ZFP62: variants seen among roughly 807,000 people sequenced by gnomAD.
ZFP62 encodes zinc finger protein 62 homolog.
Under a neutral mutation model 56.4 loss-of-function variants are expected in ZFP62, and 44 were observed. That is an observed-to-expected ratio of 0.78 (90% CI 0.61 to 1.00). The LOEUF (loss-of-function observed/expected upper bound fraction) is 1.00, where lower values mean the gene tolerates loss of function less well. Among genes scored for constraint, ZFP62 ranks in the 50% least tolerant of loss-of-function variants. ZFP62 has a pLI of 0.00. For missense variants in ZFP62, 1,030 were observed against 1,085.7 expected (o/e 0.95, Z 0.72); for synonymous variants, 421 against 388.9 (o/e 1.08, Z -0.97).
chr5:180,841,864 G>C, the ZFP62 span, among the ~76,000 whole-genome samples: 1 of 152,108 alleles, frequency 6.6e-6, no homozygotes, highest in African/African-American at 2.4e-5. Context: ...GACCAGCCTG[G>C]CAACACAGCA....
chr5:180,842,113 T>C, the ZFP62 span, among the ~76,000 whole-genome samples: 8 of 152,094 alleles, frequency 5.3e-5, 1 homozygote, highest in South Asian at 1.4e-3. Context: ...GAGCACTCAA[T>C]GGGTATATTT....
At chr5:180,831,620 C>T in the ZFP62 span, 134 of 152,700 alleles carry the variant, frequency 8.8e-4, no homozygotes, top group East Asian at 9.6e-3. Flanking sequence ...GGCGGGGACG[C>T]CGGGAGGCGG....
At chr5:180,857,604 T>C (rs1033971189) in intron 1 of ZFP62, among the ~76,000 whole-genome samples, 1 of 152,176 alleles carries the variant, frequency 6.6e-6, no homozygotes, top group African/African-American at 2.4e-5. Context: ...TTCAAGCGAT[T>C]CTCCTGCCTC....
the ZFP62 span, among the ~76,000 whole-genome samples, chr5:180,839,195 T>G: frequency 1.3e-5 from 2 of 152,186 alleles, no homozygotes; most frequent in Admixed American, 6.5e-5. Context: ...CAAAAGCGTA[T>G]GTTTAGAAGC....
Position 180,848,820 on chromosome 5 carries a change from T to A in ZFP62, c.2675A>T (p.Asp892Val). The change falls in exon 2 of 2, where the codon GAT becomes GTT. Residue 892 changes from aspartate (D) to valine (V), a missense_variant. Physicochemically the swap from Asp to Val is radical, Grantham distance 152 (BLOSUM62 -3). Transcript: ENST00000502412. ...CAGAGGCATCCTCATCCTGCCCCCATCCAGGGCATTCCCTCCCTCATAGGT... is the reference window on the plus strand; with the variant it reads ...CAGAGGCATCCTCATCCTGCCCCCAACCAGGGCATTCCCTCCCTCATAGGT... ...KRTYEGGNALDGGRMRMPL is the reference protein window; with the variant it reads ...KRTYEGGNALVGGRMRMPL The A allele has an allele frequency of 3.2e-6, 5 of 1,542,020 alleles. No individual in the cohort carries two copies. The highest frequency in any genetic ancestry group is 4.4e-6 in the Non-Finnish European group (5 of 1,139,698).
chr5:180,849,480 G>C lies in ZFP62; in HGVS notation c.2015C>G (p.Pro672Arg). The change falls in exon 2 of 2, where the codon CCC becomes CGC. Residue 672 changes from proline to arginine, a missense_variant. By Grantham distance (103) the Pro-to-Arg change is moderately radical. Transcript: ENST00000502412. ...TTTTCCACACACATCACATTCATAG[G>C]GCCTCTCCCCAGTATGGATTCTTTT... is the stretch of plus-strand genomic sequence containing the variant. Reference protein sequence around the residue: ...VHKRIHTGERPYECDVCGKAY... With the variant: ...VHKRIHTGERRYECDVCGKAY... The C allele has an allele frequency of 6.4e-7, 1 of 1,552,094 alleles. No homozygotes were observed. The highest frequency in any genetic ancestry group is 8.7e-7 in the Non-Finnish European group (1 of 1,147,138).
the ZFP62 span, among the ~76,000 whole-genome samples, chr5:180,837,433 G>A: frequency 2.6e-5 from 4 of 152,218 alleles, no homozygotes; most frequent in South Asian, 8.3e-4. Context: ...ACTGAAGAGT[G>A]TGGCACCTCA....
In ZFP62 at chr5:180,852,728, T is replaced by C. The variant is rs534964611; in HGVS notation, c.2-1235A>G. ...GAGGAAGCTTTCTAATGATGACTCA[T>C]ATGCAACAAAAGACTGATACATTTT... On this transcript the variant is annotated intron_variant, in intron 1 of 1. Transcript: ENST00000502412. 4.6e-5 allele frequency among the ~76,000 whole-genome samples: 7 copies of C among 152,306 alleles called. No homozygotes were observed. In the South Asian group the frequency reaches 1.2e-3, roughly 27 times the overall value.
rs1040103205 is a variant in ZFP62, at chr5:180,851,067, C to T, written c.428G>A (p.Cys143Tyr). 7 of 1,551,604 alleles carry T rather than the reference C, an allele frequency of 4.5e-6. No homozygotes were observed. In the African/African-American group the frequency reaches 6.8e-5, roughly 15 times the overall value. Reference protein sequence around the residue: ...KTNAVKKLHKCDECGKSFKYN... With the variant: ...KTNAVKKLHKYDECGKSFKYN... ...TTTGAAGGATTTCCCACATTCATCA[C>T]ATTTATGTAATTTCTTAACAGCATT... The change falls in exon 2 of 2, where the codon TGT becomes TAT. Residue 143 changes from cysteine (C) to tyrosine (Y), a missense_variant. By Grantham distance (194) the Cys-to-Tyr change is radical. Coordinates refer to ENST00000502412, the MANE Select transcript of ZFP62 (RefSeq NM_001172638.2).
chr5:180,850,030 G>A lies in ZFP62; in HGVS notation c.1465C>T (p.Arg489Cys), dbSNP rs956399044. ...CDVCGKAYIS[R>C]SSLKNHKGIH... ...CCTTTGTGATTTTTAAGGCTAGAGC[G>A]TGAGATATAGGCTTTCCCACACACA... Residue 489 changes from arginine to cysteine, a missense_variant, in exon 2 of 2, where the codon CGC (arginine) becomes TGC (cysteine). Physicochemically the swap from Arg to Cys is radical, Grantham distance 180. Coordinates refer to ENST00000502412, the MANE Select transcript of ZFP62 (RefSeq NM_001172638.2). 37 of 1,551,520 alleles carry A rather than the reference G, an allele frequency of 2.4e-5. No individual in the cohort carries two copies. The highest frequency in any genetic ancestry group is 6.9e-5 in the African/African-American group (5 of 72,974).
At chr5:180,837,199 G>A in the ZFP62 span, among the ~76,000 whole-genome samples, 8,538 of 152,252 alleles carry the variant, frequency 0.056, 320 homozygotes, top group Non-Finnish European at 0.083. Context: ...GCCATGAAAC[G>A]AGACCACCGT....
intron 1 of ZFP62, chr5:180,860,764 C>T (rs981248531): frequency 4.1e-5 from 7 of 170,738 alleles, no homozygotes; most frequent in Admixed American, 6.3e-5. Flanking sequence ...CCCTAGAGGT[C>T]TCTCTGCCCT....
In ZFP62 at chr5:180,849,519, C is replaced by T. The variant is rs749476962; in HGVS notation, c.1976G>A (p.Ser659Asn). 1.5e-4 allele frequency: 230 copies of T among 1,552,012 alleles called. No individual in the cohort carries two copies. The highest frequency in any genetic ancestry group is 1.8e-4 in the Non-Finnish European group (203 of 1,147,110). The change falls in exon 2 of 2, where the codon AGC becomes AAC. Residue 659 changes from serine to asparagine, a missense_variant. Transcript: ENST00000502412. ...RCEKVFRNNS[S>N]LKVHKRIHTG... ...ATGGATTCTTTTATGAACTTTAAGG[C>T]TTGAGTTGTTTCTGAAGACCTTCTC...
rs1773517385 is a variant in ZFP62, at chr5:180,848,834, T to A, written c.2661A>T (p.Gly887=). The A allele has an allele frequency of 2.6e-6, 4 of 1,545,720 alleles. No homozygotes were observed. In the South Asian group the frequency reaches 4.8e-5, roughly 18 times the overall value. Residue 887 remains glycine (G), a synonymous_variant, in exon 2 of 2, where the codon GGA becomes GGT. Transcript: ENST00000502412. The part of the protein sequence containing the change: ...SGTSQKRTYE[G]GNALDGGRMR... ...TCCTGCCCCCATCCAGGGCATTCCC[T>A]CCCTCATAGGTTCTCTTCTGGGATG...
chr5:180,833,650 C>A, the ZFP62 span, among the ~76,000 whole-genome samples: 2 of 151,462 alleles, frequency 1.3e-5, no homozygotes, highest in African/African-American at 4.9e-5. Context: ...AAATAAATTT[C>A]TCCACCACTC....
At chr5:180,836,422 T>TAATC in the ZFP62 span, among the ~76,000 whole-genome samples, 1 of 152,188 alleles carries the variant, frequency 6.6e-6, no homozygotes, top group East Asian at 1.9e-4. Flanking sequence ...AACACAACTC[T>TAATC]AATCCCTACC....
the ZFP62 span, chr5:180,830,910 T>C: frequency 6.6e-6 from 1 of 151,486 alleles, no homozygotes; most frequent in Non-Finnish European, 1.5e-5. Flanking sequence ...CGGGTGGGGG[T>C]TGAACAAAGT....
the ZFP62 span, among the ~76,000 whole-genome samples, chr5:180,839,775 AAAAAT>A: frequency 6.6e-6 from 1 of 152,172 alleles, no homozygotes. Context: ...ACAATAAATA[AAAAAT>A]AAAATGGTTG....
chr5:180,848,548 T>C lies in ZFP62; in HGVS notation c.*244A>G. ...TTTTGAAGATTTGCTTCACATTCCA[T>C]CACTCAGATCTAAGTTTTTCTCTCA... On this transcript the variant is annotated 3_prime_UTR_variant, in exon 2 of 2. Coordinates refer to ENST00000502412, the MANE Select transcript of ZFP62 (RefSeq NM_001172638.2). 1 of 1,211,354 alleles carries C rather than the reference T, an allele frequency of 8.3e-7. No individual in the cohort carries two copies. The highest frequency in any genetic ancestry group is 1.0e-6 in the Non-Finnish European group (1 of 972,790). The allele number at this position is 1,211,354 out of a possible 1,614,324, so 75.0% of individuals were successfully genotyped here. A position where few individuals can be genotyped will look rare whatever the true frequency, so the allele number is the denominator to read the frequency against.
Sources: gnomAD v4.1 joint callset for allele counts (sites outside exome capture counted in the v4.1 genomes callset) on GRCh38, gnomAD v4.1.1 for gene constraint, MANE v1.5 for transcripts, NCBI Gene and HGNC (gene_info 2026-07-23, HGNC 2026-07-21) for gene names.